Variants in GABRA1 observed in about 807,000 individuals in gnomAD.
The protein encoded by GABRA1 is gamma-aminobutyric acid receptor subunit alpha-1.
A neutral mutation model predicts 48.9 loss-of-function variants in GABRA1; 9 were observed. The ratio of observed to expected loss-of-function variants is 0.18; its 90% confidence interval spans 0.11 to 0.32. GABRA1 has a LOEUF of 0.32. Among genes scored for constraint, GABRA1 ranks in the 10% least tolerant of loss-of-function variants. GABRA1 has a pLI of 1.00. For synonymous variants in GABRA1, 210 were observed against 198.7 expected, an observed-to-expected ratio of 1.06 and a Z score of -0.48; for missense variants, 285 against 553.8, an observed-to-expected ratio of 0.51 and a Z score of 4.87.
chr5:161,873,349 T>C lies in GABRA1; in HGVS notation c.476+12T>C. 6.3e-7 allele frequency: 1 copy of C among 1,584,760 alleles called. No individual in the cohort carries two copies. Among genetic ancestry groups the C allele is most frequent in the Non-Finnish European group, 8.7e-7 (1 of 1,153,594 alleles). On this transcript the variant is annotated intron_variant, in intron 5 of 9. Coordinates refer to ENST00000393943, the MANE Select transcript of GABRA1 (RefSeq NM_001127644.2). ...CTGTACACCATGAGGTAAGGATGGC[T>C]GCACTGCCATTCATGAATGTTTCTG...
At chr5:161,877,819 A>G (rs1581202529) in intron 6 of GABRA1, among the ~76,000 whole-genome samples, 1 of 152,138 alleles carries the variant, frequency 6.6e-6, no homozygotes, top group Non-Finnish European at 1.5e-5. Context: ...CCTCAGAGCC[A>G]TATGCTCTTT....
At chr5:161,863,233 T>C (rs866091500) in intron 3 of GABRA1, among the ~76,000 whole-genome samples, 2 of 151,918 alleles carry the variant, frequency 1.3e-5, no homozygotes, top group African/African-American at 2.4e-5. Flanking sequence ...ATTAAGTTTA[T>C]ATTTGAATAG....
chr5:161,884,348 G>A (rs1239589243), intron 7 of GABRA1, among the ~76,000 whole-genome samples: 1 of 152,092 alleles, frequency 6.6e-6, no homozygotes, highest in African/African-American at 2.4e-5. Flanking sequence ...TGCTGTCATG[G>A]AACTTGAAGT....
upstream of GABRA1, chr5:161,847,661 G>T (rs1757264806): frequency 6.6e-6 from 1 of 152,228 alleles, no homozygotes; most frequent in Non-Finnish European, 1.5e-5. Context: ...AGACATATGT[G>T]TGGGAGTGTG....
At position 161,888,168 on chromosome 5, in the gene GABRA1, G is replaced by A. The variant is rs914949038; in HGVS notation, c.704-2730G>A. On this transcript the variant is annotated intron_variant, in intron 7 of 9. Transcript: ENST00000393943. The stretch of plus-strand genomic sequence containing the variant: ...ATGACAATTCCCCTAGACTGTTGAA[G>A]GAGGGAAAATAATTTGACATGCTTT... Among the ~76,000 whole-genome samples the A allele has an allele frequency of 7.9e-5, 12 of 152,114 alleles. 1 individual carries two copies. The highest frequency in any genetic ancestry group is 7.9e-4 in the Admixed American group (12 of 15,254).
chr5:161,875,456 CTTCT>C, intron 5 of GABRA1, 100 bp from the exon 6 acceptor site: 1 of 916,530 alleles, frequency 1.1e-6, no homozygotes, highest in Non-Finnish European at 1.8e-6. Flanking sequence ...GCAATTATGC[CTTCT>C]TTGTTAATAT....
chr5:161,866,543 A>T (rs1179679401), intron 4 of GABRA1, among the ~76,000 whole-genome samples: 4 of 152,132 alleles, frequency 2.6e-5, no homozygotes, highest in Admixed American at 1.3e-4. Context: ...TATTTTTGAA[A>T]TGCCTCATGT....
At chr5:161,884,751 A>T (rs1325800488) in intron 7 of GABRA1, among the ~76,000 whole-genome samples, 1 of 152,198 alleles carries the variant, frequency 6.6e-6, no homozygotes, top group East Asian at 1.9e-4. Flanking sequence ...GTATGCAGGC[A>T]TATATGTATG....
rs1403426600 is a variant in GABRA1 at position 161,848,387 on chromosome 5, G to C, written c.-51G>C. The C allele has an allele frequency of 1.3e-5, 2 of 152,236 alleles. No homozygotes were observed. Among genetic ancestry groups the C allele is most frequent in the African/African-American group, 2.4e-5 (1 of 41,318 alleles). The allele number at this position is 152,236 out of a possible 1,614,324, so 9.4% of individuals were successfully genotyped here. Reference sequence around the variant, plus strand: ...GATTCTCTCTCCCAGACTTTTCCCCGGTCTTAAGAGATCCTGTGTCCAGAG... The same window carrying C: ...GATTCTCTCTCCCAGACTTTTCCCCCGTCTTAAGAGATCCTGTGTCCAGAG... On this transcript the variant is annotated 5_prime_UTR_variant, in exon 1 of 10. Coordinates refer to ENST00000393943, the MANE Select transcript of GABRA1 (RefSeq NM_001127644.2).
chr5:161,864,265 C>T (rs1351161420), intron 3 of GABRA1, among the ~76,000 whole-genome samples: 4 of 151,984 alleles, frequency 2.6e-5, no homozygotes, highest in Non-Finnish European at 4.4e-5. Context: ...AGGTTAGTTA[C>T]ATATGTATAC....
Position 161,898,443 on chromosome 5 carries a change from T to G in GABRA1, c.*1021T>G, listed in dbSNP as rs1034835465. Reference sequence around the variant, plus strand: ...TATATGTAAATATACAGCATGAGATTGTACATTTTTTACTTTTTTAAAATT... The same window carrying G: ...TATATGTAAATATACAGCATGAGATGGTACATTTTTTACTTTTTTAAAATT... On this transcript the variant is annotated 3_prime_UTR_variant, in exon 10 of 10. Transcript: ENST00000393943. The G allele has an allele frequency of 6.6e-6, 1 of 152,620 alleles. No individual in the cohort carries two copies. Among genetic ancestry groups the G allele is most frequent in the African/African-American group, 2.4e-5 (1 of 41,466 alleles). The allele number at this position is 152,620 out of a possible 1,614,324, so 9.5% of individuals were successfully genotyped here.
intron 3 of GABRA1, 73 bp downstream of exon 3, chr5:161,854,343 C>T: frequency 1.2e-6 from 1 of 813,212 alleles, no homozygotes; most frequent in East Asian, 2.4e-5. Context: ...TAATTTACCT[C>T]TAAATGGTCA....
At chr5:161,891,938 A>G (rs531745756) in intron 8 of GABRA1, among the ~76,000 whole-genome samples, 283 of 152,320 alleles carry the variant, frequency 1.9e-3, no homozygotes, top group Middle Eastern at 3.4e-3. Flanking sequence ...ACTTAACTAT[A>G]AAACAAATTC....
At chr5:161,856,452 T>C (rs1382134814) in intron 3 of GABRA1, among the ~76,000 whole-genome samples, 5 of 151,332 alleles carry the variant, frequency 3.3e-5, no homozygotes, top group African/African-American at 1.2e-4. Flanking sequence ...CTTGAGAAAA[T>C]TAACAGTGGA....
chr5:161,872,764 C>G (rs907876432), intron 4 of GABRA1, among the ~76,000 whole-genome samples: 2 of 152,156 alleles, frequency 1.3e-5, no homozygotes, highest in African/African-American at 4.8e-5. Flanking sequence ...ATAATACCCT[C>G]TAACATGAGT....
At chr5:161,894,572 G>A (rs1755273203) in intron 8 of GABRA1, among the ~76,000 whole-genome samples, 1 of 152,154 alleles carries the variant, frequency 6.6e-6, no homozygotes, top group Non-Finnish European at 1.5e-5. Flanking sequence ...CTAATAAGTG[G>A]TAGGATTGAG....
At chr5:161,890,058 G>A (rs765643642) in intron 7 of GABRA1, among the ~76,000 whole-genome samples, 4 of 151,930 alleles carry the variant, frequency 2.6e-5, no homozygotes, top group East Asian at 1.9e-4. Context: ...AACTGAGAAA[G>A]TATAAGGCAA....
At position 161,896,646 on chromosome 5, in the gene GABRA1, G is replaced by A. The variant is rs1370216495; in HGVS notation, c.1060-465G>A. Among the ~76,000 whole-genome samples, 3 of 152,146 alleles carry A rather than the reference G, an allele frequency of 2.0e-5. 1 individual carries two copies. Among genetic ancestry groups the A allele is most frequent in the Admixed American group, 6.5e-5 (1 of 15,270 alleles). Reference sequence around the variant, plus strand: ...GATGTTTAGAAATAATCTAGAAGGAGTCACTTGACATAAGCTTTTCTGAAA... The same window carrying A: ...GATGTTTAGAAATAATCTAGAAGGAATCACTTGACATAAGCTTTTCTGAAA... On this transcript the variant is annotated intron_variant, in intron 9 of 9. Transcript: ENST00000393943.
At chr5:161,859,548 AG>A (rs985226867) in intron 3 of GABRA1, among the ~76,000 whole-genome samples, 28 of 151,890 alleles carry the variant, frequency 1.8e-4, no homozygotes, top group Admixed American at 1.8e-3. Flanking sequence ...TGTAAAATTT[AG>A]GTGACTCGAG....
Sources: allele counts gnomAD v4.1 joint callset (sites outside exome capture counted in the v4.1 genomes callset), GRCh38; gene constraint gnomAD v4.1.1; transcripts MANE v1.5; gene names NCBI Gene and HGNC (gene_info 2026-07-23, HGNC 2026-07-21).